The following TBC1D4 variants were observed in gnomAD, a reference collection of about 807,000 sequenced individuals.
TBC1D4 encodes TBC1 domain family member 4, also known as TBC (Tre-2, BUB2, CDC16) domain-containing protein.
A neutral mutation model predicts 142.5 loss-of-function variants in TBC1D4; 121 were observed. The ratio of observed to expected loss-of-function variants is 0.85; its 90% CI spans 0.73 to 0.99. TBC1D4 has a LOEUF of 0.99. Ranked by LOEUF, TBC1D4 falls within the 50% of genes least tolerant of loss-of-function variation. TBC1D4 has a pLI of 0.00. For synonymous variants in TBC1D4, 630 were observed against 628.2 expected (o/e 1.00, Z -0.04); for missense variants, 1,475 against 1,606.6 (o/e 0.92, Z 1.40).
At chr13:75,439,994 C>T (rs1028051952) in intron 1 of TBC1D4, among the ~76,000 whole-genome samples, 1 of 152,128 alleles carries the variant, frequency 6.6e-6, no homozygotes, top group African/African-American at 2.4e-5. Flanking sequence ...TTCTTGTACA[C>T]TTAATGAGCA....
chr13:75,461,266 A>G (rs2138282359), intron 1 of TBC1D4, among the ~76,000 whole-genome samples: 1 of 152,342 alleles, frequency 6.6e-6, no homozygotes, highest in Middle Eastern at 3.4e-3. Flanking sequence ...TCTACAATAC[A>G]CAATGGCATG....
At chr13:75,322,587 T>C (rs989142199) in intron 11 of TBC1D4, among the ~76,000 whole-genome samples, 1 of 152,198 alleles carries the variant, frequency 6.6e-6, no homozygotes, top group Non-Finnish European at 1.5e-5. Flanking sequence ...GTGCTTTACA[T>C]CCTAGTTACA....
At chr13:75,390,119 T>C (rs1884385995) in intron 1 of TBC1D4, among the ~76,000 whole-genome samples, 1 of 150,244 alleles carries the variant, frequency 6.7e-6, no homozygotes, top group Non-Finnish European at 1.5e-5. Context: ...CTACTAAAAA[T>C]ACAAAAAAAA....
chr13:75,362,231 G>GAGCT lies in TBC1D4; in HGVS notation c.871_874dup (p.Ser292Ter). Reference sequence around the variant, plus strand: ...AATCCGCTCAGGGAAGCAGACCCGAGAGCTGGTCAGGGCAGGCTGGCTGGC... The same window carrying GAGCT: ...AATCCGCTCAGGGAAGCAGACCCGAGAGCTAGCTGGTCAGGGCAGGCTGGCTGGC... On this transcript the variant is annotated stop_gained and frameshift_variant, in exon 2 of 21. Coordinates refer to ENST00000377636, the MANE Select transcript of TBC1D4 (RefSeq NM_014832.5). LOFTEE classifies it high-confidence loss of function. This position sits in a 1 kb window ranked among gnomAD's most constrained non-coding sequence, Gnocchi z 4.2. 6.2e-7 allele frequency: 1 copy of GAGCT among 1,613,886 alleles called. No homozygotes were observed. The highest frequency in any genetic ancestry group is 8.5e-7 in the Non-Finnish European group (1 of 1,179,986).
chr13:75,322,877 G>T (rs1878891219), intron 11 of TBC1D4, among the ~76,000 whole-genome samples: 1 of 151,972 alleles, frequency 6.6e-6, no homozygotes, highest in South Asian at 2.1e-4. Context: ...TCTTCCATAA[G>T]GTCGTCCCTG....
intron 1 of TBC1D4, among the ~76,000 whole-genome samples, chr13:75,394,253 G>A (rs1884657854): frequency 6.6e-6 from 1 of 152,132 alleles, no homozygotes; most frequent in Non-Finnish European, 1.5e-5. Context: ...TTTAAAACAA[G>A]CTTACTGTCA....
intron 1 of TBC1D4, among the ~76,000 whole-genome samples, chr13:75,433,754 T>C (rs979154243): frequency 4.6e-5 from 7 of 152,160 alleles, no homozygotes; most frequent in African/African-American, 1.7e-4. Context: ...GAAAAAATAT[T>C]TGCAAACTAT....
At chr13:75,448,460 C>G (rs1019083224) in intron 1 of TBC1D4, among the ~76,000 whole-genome samples, 1 of 150,858 alleles carries the variant, frequency 6.6e-6, no homozygotes, top group South Asian at 2.1e-4. Context: ...CCCAGCTACT[C>G]GGGAGGCTGA....
At chr13:75,443,425 G>A (rs1354927088) in intron 1 of TBC1D4, among the ~76,000 whole-genome samples, 4 of 152,072 alleles carry the variant, frequency 2.6e-5, no homozygotes, top group African/African-American at 9.7e-5. Context: ...GCCAAGTGTG[G>A]GTAAGATCAG....
chr13:75,411,970 C>T (rs1290642884), intron 1 of TBC1D4, among the ~76,000 whole-genome samples: 1 of 152,198 alleles, frequency 6.6e-6, no homozygotes, highest in Non-Finnish European at 1.5e-5. Flanking sequence ...ATAAGATTCA[C>T]TTACTGAAAT....
At position 75,362,969 on chromosome 13, in the gene TBC1D4, C is replaced by G. The variant is rs1207088014; in HGVS notation, c.499-362G>C. On this transcript the variant is annotated intron_variant, in intron 1 of 20. Transcript: ENST00000377636. This position sits in a 1 kb window ranked among gnomAD's most constrained non-coding sequence, Gnocchi z 4.2. ...AGCTGAAAGGAACCAAAGTTCCAACCATGAGGACAAAATAACCTTTTTTGA... is the reference window on the plus strand; with the variant it reads ...AGCTGAAAGGAACCAAAGTTCCAACGATGAGGACAAAATAACCTTTTTTGA... Among the ~76,000 whole-genome samples, 1 of 152,174 alleles carries G rather than the reference C, an allele frequency of 6.6e-6. No homozygotes were observed. Among genetic ancestry groups the G allele is most frequent in the Non-Finnish European group, 1.5e-5 (1 of 68,034 alleles).
Position 75,315,351 on chromosome 13 carries a change from A to AATATATAT in TBC1D4, c.2223-2461_2223-2454dup, listed in dbSNP as rs144293371. 1.4e-3 allele frequency among the ~76,000 whole-genome samples: 196 copies of AATATATAT among 142,328 alleles called. 2 individuals carry two copies. The highest frequency in any genetic ancestry group is 1.9e-3 in the East Asian group (9 of 4,826). The allele number at this position is 142,328 out of a possible 152,430, so 93.4% of individuals were successfully genotyped here. ...AAACAAAAAACCTTCCTGAATATTG[A>AATATATAT]ATATATATATATATATATACACACA... On this transcript the variant is annotated intron_variant, in intron 12 of 20. Coordinates refer to ENST00000377636, the MANE Select transcript of TBC1D4 (RefSeq NM_014832.5).
At chr13:75,365,959 C>A (rs1010370158) in intron 1 of TBC1D4, among the ~76,000 whole-genome samples, 5 of 152,038 alleles carry the variant, frequency 3.3e-5, no homozygotes, top group Non-Finnish European at 1.5e-5. Context: ...TCTGTCACAC[C>A]CAAAAATAGA....
At chr13:75,287,759 A>G (rs485286) in intron 20 of TBC1D4, among the ~76,000 whole-genome samples, 1 of 152,162 alleles carries the variant, frequency 6.6e-6, no homozygotes, top group East Asian at 1.9e-4. Flanking sequence ...ACTACTTTAG[A>G]GATCCCTCAT....
chr13:75,358,318 A>G (rs1228914764), intron 3 of TBC1D4, among the ~76,000 whole-genome samples: 1 of 152,220 alleles, frequency 6.6e-6, no homozygotes, highest in Non-Finnish European at 1.5e-5. Context: ...AGGGACAACC[A>G]GTAAATTGGT....
chr13:75,406,610 G>A (rs1178081687), intron 1 of TBC1D4, among the ~76,000 whole-genome samples: 5 of 152,198 alleles, frequency 3.3e-5, no homozygotes, highest in South Asian at 4.2e-4. Flanking sequence ...TGTCATCGAG[G>A]GGGCCTTTAG....
intron 1 of TBC1D4, among the ~76,000 whole-genome samples, chr13:75,447,175 G>A (rs1462701657): frequency 2.0e-5 from 3 of 152,126 alleles, no homozygotes; most frequent in Non-Finnish European, 2.9e-5. Flanking sequence ...GATATTTATA[G>A]GGAGAAAGTA....
chr13:75,325,974 A>C (rs755932504), intron 10 of TBC1D4, among the ~76,000 whole-genome samples: 1 of 152,192 alleles, frequency 6.6e-6, no homozygotes, highest in African/African-American at 2.4e-5. Flanking sequence ...TCTGAAAGGA[A>C]AAACAAAAGA....
At chr13:75,290,088 G>A (rs1875130734) in intron 19 of TBC1D4, among the ~76,000 whole-genome samples, 1 of 151,706 alleles carries the variant, frequency 6.6e-6, no homozygotes, top group Admixed American at 6.6e-5. Flanking sequence ...TATAGTTACT[G>A]GAAAAAATCT....
Sources: allele counts gnomAD v4.1 joint callset (sites outside exome capture counted in the v4.1 genomes callset), GRCh38; gene constraint gnomAD v4.1.1; non-coding constraint Gnocchi (gnomAD v3.1); transcripts MANE v1.5; gene names NCBI Gene and HGNC (gene_info 2026-07-23, HGNC 2026-07-21).